The following PPP2R3A variants were observed in gnomAD, a reference collection of about 807,000 sequenced individuals.
PPP2R3A encodes protein phosphatase 2 regulatory subunit B''alpha.
PPP2R3A carries 80 observed loss-of-function variants against 106.9 expected under a neutral mutation model. The observed-to-expected ratio is 0.75, with a 90% CI of 0.62 to 0.90. The LOEUF is 0.90. Among genes scored for constraint, PPP2R3A ranks in the 40% least tolerant of loss-of-function variants. PPP2R3A has a pLI of 0.00. For missense variants in PPP2R3A, 1,386 were observed against 1,350.4 expected (o/e 1.03, Z -0.41); for synonymous variants, 483 against 468.3 (o/e 1.03, Z -0.41).
chr3:136,023,074 T>C, intron 2 of PPP2R3A: 1 of 1,613,086 alleles, frequency 6.2e-7, no homozygotes, highest in Non-Finnish European at 8.5e-7. Flanking sequence ...TCAAAGATGA[T>C]GATCAAGGAA....
intron 3 of PPP2R3A, among the ~76,000 whole-genome samples, chr3:136,034,404 G>A (rs948179749): frequency 2.6e-5 from 4 of 152,256 alleles, no homozygotes; most frequent in Middle Eastern, 3.4e-3. Flanking sequence ...GTGTCCCAGA[G>A]GGTTTGATAG....
At chr3:136,028,567 T>C (rs1439855057) in intron 3 of PPP2R3A, among the ~76,000 whole-genome samples, 3 of 152,216 alleles carry the variant, frequency 2.0e-5, no homozygotes, top group Admixed American at 2.0e-4. Context: ...ATATGTCATC[T>C]CCCTGGACAT....
chr3:136,023,214 G>T, intron 2 of PPP2R3A: 1 of 1,261,072 alleles, frequency 7.9e-7, no homozygotes, highest in Non-Finnish European at 1.1e-6. Context: ...TTGAAATTTG[G>T]GTGTTTTGTT....
intron 3 of PPP2R3A, among the ~76,000 whole-genome samples, chr3:136,035,365 T>G (rs530326659): frequency 1.4e-4 from 22 of 152,356 alleles, no homozygotes; most frequent in African/African-American, 5.3e-4. Context: ...TTTGGGTGTT[T>G]CCAGGATTTG....
intron 4 of PPP2R3A, among the ~76,000 whole-genome samples, chr3:136,048,096 A>G (rs1020435716): frequency 6.6e-6 from 1 of 152,038 alleles, no homozygotes; most frequent in Non-Finnish European, 1.5e-5. Context: ...CCCTGTACCT[A>G]TAATAAAAGT....
intron 3 of PPP2R3A, among the ~76,000 whole-genome samples, chr3:136,033,804 T>C (rs918442616): frequency 1.3e-5 from 2 of 152,160 alleles, no homozygotes; most frequent in Admixed American, 6.5e-5. Flanking sequence ...GCTAATGGTC[T>C]ATCAATTTTA....
intron 4 of PPP2R3A, among the ~76,000 whole-genome samples, chr3:136,048,215 G>A (rs1456695922): frequency 1.3e-5 from 2 of 152,212 alleles, no homozygotes; most frequent in African/African-American, 2.4e-5. Context: ...CCTGGAAGGT[G>A]AAGTAAGGGA....
chr3:136,063,942 A>T (rs1252635215), intron 5 of PPP2R3A, among the ~76,000 whole-genome samples: 4 of 150,390 alleles, frequency 2.7e-5, no homozygotes, highest in Admixed American at 6.6e-5. Flanking sequence ...ATTATAAATC[A>T]TGCTGCTATA....
At chr3:135,975,840 A>G (rs2107751825) in intron 1 of PPP2R3A, among the ~76,000 whole-genome samples, 1 of 152,236 alleles carries the variant, frequency 6.6e-6, no homozygotes, top group East Asian at 1.9e-4. Flanking sequence ...TATATAAGAT[A>G]TATATAATCT....
chr3:136,094,168 T>C (rs546866324), intron 10 of PPP2R3A, among the ~76,000 whole-genome samples: 30 of 152,224 alleles, frequency 2.0e-4, no homozygotes, highest in African/African-American at 7.0e-4. Context: ...AATAGACAAA[T>C]GTATAGAAAC....
At chr3:136,092,391 T>G (rs1419633736) in intron 10 of PPP2R3A, among the ~76,000 whole-genome samples, 1 of 152,186 alleles carries the variant, frequency 6.6e-6, no homozygotes, top group East Asian at 1.9e-4. Flanking sequence ...TCATGGATCA[T>G]TGTTAAGATG....
chr3:136,088,027 T>C lies in PPP2R3A; in HGVS notation c.2837+96T>C, dbSNP rs1209608401. ...AGCTTCCTGAATAATTTGGCAGTGC[T>C]ATTGGACCAAATAATATCCTATAAA... On this transcript the variant is annotated intron_variant, in intron 9 of 13. Coordinates refer to ENST00000264977, the MANE Select transcript of PPP2R3A (RefSeq NM_002718.5). 4 of 979,574 alleles carry C rather than the reference T, an allele frequency of 4.1e-6. No individual in the cohort carries two copies. The African/African-American group carries it at 6.5e-5, about 16-fold the overall frequency. 60.7% of individuals were successfully genotyped at this position (979,574 alleles called of 1,614,324 possible). A position where few individuals can be genotyped will look rare whatever the true frequency, so the allele number is the denominator to read the frequency against.
At chr3:136,054,005 C>G (rs1372288347) in intron 5 of PPP2R3A, among the ~76,000 whole-genome samples, 1 of 151,650 alleles carries the variant, frequency 6.6e-6, no homozygotes, top group Non-Finnish European at 1.5e-5. Flanking sequence ...AGAAAAGAAA[C>G]AAAACTAATT....
chr3:136,041,238 G>GTTTTTTT (rs67116006), intron 4 of PPP2R3A, among the ~76,000 whole-genome samples: 17 of 92,882 alleles, frequency 1.8e-4, no homozygotes, highest in African/African-American at 3.6e-4. Context: ...GGTTTTTCTT[G>GTTTTTTT]TTTTTTTTTT....
chr3:136,129,850 C>G (rs555485294), intron 13 of PPP2R3A, among the ~76,000 whole-genome samples: 1 of 152,278 alleles, frequency 6.6e-6, no homozygotes, highest in South Asian at 2.1e-4. Flanking sequence ...GGATGCAAGC[C>G]TGGTTCAACA....
At chr3:136,067,690 G>A (rs143821268) in intron 5 of PPP2R3A, among the ~76,000 whole-genome samples, 7 of 152,220 alleles carry the variant, frequency 4.6e-5, no homozygotes, top group African/African-American at 1.7e-4. Context: ...AACAATATAT[G>A]GAATCAACCT....
At chr3:135,968,657 A>C (rs373302945) in intron 1 of PPP2R3A, among the ~76,000 whole-genome samples, 1 of 139,382 alleles carries the variant, frequency 7.2e-6, no homozygotes, top group Non-Finnish European at 1.6e-5. Flanking sequence ...CCTCCAAGCA[A>C]ATCAGAGCAT....
In PPP2R3A at chr3:136,049,319, C is replaced by T. The variant is rs1389993347; in HGVS notation, c.2427C>T (p.Asn809=). 3 of 1,613,716 alleles carry T rather than the reference C, an allele frequency of 1.9e-6. No individual in the cohort carries two copies. Among genetic ancestry groups the T allele is most frequent in the Middle Eastern group, 1.6e-4 (1 of 6,084 alleles). ...TCATCTGTCTTCTAGCAAAGCCCAA[C>T]TGCAGCTCTCTAGAACAGGAGGATT... ...SKFICLLAKP[N]CSSLEQEDFI... Residue 809 remains asparagine (N), a synonymous_variant, in exon 5 of 14, where the codon AAC becomes AAT. Transcript: ENST00000264977.
At position 136,066,600 on chromosome 3, in the gene PPP2R3A, G is replaced by A. The variant is rs531883292; in HGVS notation, c.2470-3878G>A. 5.5e-3 allele frequency among the ~76,000 whole-genome samples: 839 copies of A among 152,304 alleles called. 4 individuals are homozygous for A. Among genetic ancestry groups the A allele is most frequent in the Middle Eastern group, 0.031 (9 of 294 alleles). On this transcript the variant is annotated intron_variant, in intron 5 of 13. Coordinates refer to ENST00000264977, the MANE Select transcript of PPP2R3A (RefSeq NM_002718.5). Reference sequence around the variant, plus strand: ...TGCTGGCATCTGCTTGGCCTACGGTGAAGCCTCGGAGTTTTCAATCATGGC... The same window carrying A: ...TGCTGGCATCTGCTTGGCCTACGGTAAAGCCTCGGAGTTTTCAATCATGGC...
Sources: gnomAD v4.1 joint callset for allele counts (sites outside exome capture counted in the v4.1 genomes callset) on GRCh38, gnomAD v4.1.1 for gene constraint, MANE v1.5 for transcripts, NCBI Gene and HGNC (gene_info 2026-07-23, HGNC 2026-07-21) for gene names.